The following AP1M1 variants were observed in gnomAD, a reference collection of about 807,000 sequenced individuals.
The protein encoded by AP1M1 is adaptor related protein complex 1 subunit mu 1.
AP1M1 carries 18 observed loss-of-function variants against 57.1 expected under a neutral mutation model. That is an observed-to-expected ratio of 0.32 (90% CI 0.22 to 0.47). AP1M1 has a LOEUF of 0.47. AP1M1 is among the 20% of genes least tolerant of loss of function. AP1M1 has a pLI of 1.00. For missense variants in AP1M1, 362 were observed against 593.5 expected, an observed-to-expected ratio of 0.61 and a Z score of 4.05; for synonymous variants, 241 against 237.9, an observed-to-expected ratio of 1.01 and a Z score of -0.12.
intron 5 of AP1M1, 109 bp downstream of exon 5, chr19:16,209,286 C>A: frequency 7.9e-7 from 1 of 1,265,342 alleles, no homozygotes; most frequent in Non-Finnish European, 1.1e-6. Context: ...TGTGTGGTAA[C>A]AGATAGCAGG....
At chr19:16,215,220 G>A (rs970159190) in intron 5 of AP1M1, among the ~76,000 whole-genome samples, 1 of 47,044 alleles carries the variant, frequency 2.1e-5, no homozygotes, top group African/African-American at 5.5e-5. Context: ...GGAGAGGGGG[G>A]AGGGGGGAGG....
At chr19:16,226,787 C>T (rs769663489) in intron 6 of AP1M1, 53 of 472,794 alleles carry the variant, frequency 1.1e-4, no homozygotes, top group Non-Finnish European at 1.7e-4. Flanking sequence ...CGGCCTCACA[C>T]GCCAGGTCCT....
chr19:16,215,202 G>GGGT (rs2091513070), intron 5 of AP1M1, among the ~76,000 whole-genome samples: 2 of 15,036 alleles, frequency 1.3e-4, no homozygotes, highest in African/African-American at 2.1e-4. Flanking sequence ...GGCGGGGGCG[G>GGGT]GGGGGGGGGA....
At chr19:16,226,573 C>A in intron 6 of AP1M1, 26 bp downstream of exon 6, 1 of 1,562,514 alleles carries the variant, frequency 6.4e-7, no homozygotes, top group South Asian at 1.1e-5. Flanking sequence ...AAGGGCCCTG[C>A]CCATGAGGAT....
chr19:16,219,968 T>C (rs2091536293), intron 5 of AP1M1, among the ~76,000 whole-genome samples: 1 of 118,504 alleles, frequency 8.4e-6, no homozygotes, highest in African/African-American at 3.2e-5. Flanking sequence ...TGGTATTTTG[T>C]TGGAGATTTT....
rs1024279051 is a variant in AP1M1, at chr19:16,203,449, C to T, written c.43-10C>T. On this transcript the variant is annotated splice_polypyrimidine_tract_variant and intron_variant, in intron 1 of 11. Transcript: ENST00000291439. This position sits in a 1 kb window ranked among gnomAD's most constrained non-coding sequence, Gnocchi z 4.6. ...ATGCAAGCATCTTTTCTCTTCCTTC[C>T]CCACCCCAGGTGCTCATCTGCCGGA... is the stretch of plus-strand genomic sequence containing the variant. 1.9e-6 allele frequency: 3 copies of T among 1,614,042 alleles called. No homozygotes were observed. Among genetic ancestry groups the T allele is most frequent in the Non-Finnish European group, 2.5e-6 (3 of 1,180,010 alleles).
At chr19:16,232,396 C>T in intron 9 of AP1M1, among the ~76,000 whole-genome samples, 1 of 152,266 alleles carries the variant, frequency 6.6e-6, no homozygotes, top group Non-Finnish European at 1.5e-5. Flanking sequence ...TCCATCGCCC[C>T]TGGCGTCTGC....
At position 16,207,048 on chromosome 19, in the gene AP1M1, G is replaced by A. The variant is rs1203543159; in HGVS notation, c.267+640G>A. Among the ~76,000 whole-genome samples the A allele has an allele frequency of 2.0e-5, 3 of 152,216 alleles. No homozygotes were observed. Among genetic ancestry groups the A allele is most frequent in the African/African-American group, 4.8e-5 (2 of 41,460 alleles). On this transcript the variant is annotated intron_variant, in intron 3 of 11. Transcript: ENST00000291439. This position sits in a 1 kb window ranked among gnomAD's most constrained non-coding sequence, Gnocchi z 4.2. ...TTAAGCAGGAGACTGACAAGACGTG[G>A]TTTGATCTAAAGCAGCCTCTCTGGC...
At position 16,208,860 on chromosome 19, in the gene AP1M1, A is replaced by G. The variant is rs1403377109; in HGVS notation, c.399-170A>G. 3 of 695,380 alleles carry G rather than the reference A, an allele frequency of 4.3e-6. No individual in the cohort carries two copies. In the African/African-American group the frequency reaches 5.4e-5, roughly 12 times the overall value. 43.1% of individuals were successfully genotyped at this position (695,380 alleles called of 1,614,324 possible). On this transcript the variant is annotated intron_variant, in intron 4 of 11. Transcript: ENST00000291439. The stretch of plus-strand genomic sequence containing the variant: ...AGATTTTTCTGTATGAAGCAGCCCC[A>G]GGTGAACCAGAGGCTGCCTTTTCTG...
intron 9 of AP1M1, among the ~76,000 whole-genome samples, chr19:16,231,267 A>G (rs1033599849): frequency 1.1e-4 from 16 of 146,058 alleles, no homozygotes; most frequent in South Asian, 2.2e-4. Flanking sequence ...CAGCCTGGGC[A>G]ACAGAGCAAG....
chr19:16,206,521 CTG>C lies in AP1M1; in HGVS notation c.267+114_267+115del. 1 of 1,155,712 alleles carries C rather than the reference CTG, an allele frequency of 8.7e-7. No individual in the cohort carries two copies. Among genetic ancestry groups the C allele is most frequent in the Non-Finnish European group, 1.3e-6 (1 of 789,534 alleles). 71.6% of individuals were successfully genotyped at this position (1,155,712 alleles called of 1,614,324 possible). On this transcript the variant is annotated intron_variant, in intron 3 of 11. Coordinates refer to ENST00000291439, the MANE Select transcript of AP1M1 (RefSeq NM_032493.4). The surrounding 1 kb of genome is among the most constrained non-coding windows in gnomAD (Gnocchi z 4.3). ...AGAGCTGTGGCATCCCCAGGGAGCACTGGGGCTGGAAGCCCAGGAAGTGGGAA... is the reference window on the plus strand; with the variant it reads ...AGAGCTGTGGCATCCCCAGGGAGCACGGGCTGGAAGCCCAGGAAGTGGGAA...
intron 9 of AP1M1, 27 bp from the exon 10 acceptor site, chr19:16,233,466 T>C: frequency 6.4e-7 from 1 of 1,573,426 alleles, no homozygotes; most frequent in Non-Finnish European, 8.6e-7. Context: ...GGCCTAGGCC[T>C]GAGCGCCTCC....
rs990643919 is a variant in AP1M1 at position 16,206,274 on chromosome 19, A to G, written c.200-67A>G. ...GTTGTGAGGGTTAGGGGGTCCCTCC[A>G]TGAACCAGGATCTTCCAGGCAGCAG... On this transcript the variant is annotated intron_variant, in intron 2 of 11. Coordinates refer to ENST00000291439, the MANE Select transcript of AP1M1 (RefSeq NM_032493.4). The surrounding 1 kb of genome is among the most constrained non-coding windows in gnomAD (Gnocchi z 4.3). 6 of 1,554,302 alleles carry G rather than the reference A, an allele frequency of 3.9e-6. No homozygotes were observed. In the South Asian group the frequency reaches 5.6e-5, roughly 14 times the overall value.
rs1177819048 is a variant in AP1M1, at chr19:16,234,187, C to T, written c.1174-12C>T. 2.5e-6 allele frequency: 4 copies of T among 1,611,182 alleles called. No homozygotes were observed. The highest frequency in any genetic ancestry group is 3.4e-5 in the Admixed American group (2 of 59,656). On this transcript the variant is annotated splice_polypyrimidine_tract_variant and intron_variant, in intron 10 of 11. Coordinates refer to ENST00000291439, the MANE Select transcript of AP1M1 (RefSeq NM_032493.4). The stretch of plus-strand genomic sequence containing the variant: ...GCCTGCGGTGCTCAGGGCCCTGCTA[C>T]CTGTGCCCCAGGTGCGCTACCTGAA...
Position 16,206,227 on chromosome 19 carries a change from G to T in AP1M1, c.200-114G>T. 1 of 1,053,158 alleles carries T rather than the reference G, an allele frequency of 9.5e-7. No homozygotes were observed. The allele number at this position is 1,053,158 out of a possible 1,614,324, so 65.2% of individuals were successfully genotyped here. A position where few individuals can be genotyped will look rare whatever the true frequency, so the allele number is the denominator to read the frequency against. On this transcript the variant is annotated intron_variant, in intron 2 of 11. Transcript: ENST00000291439. This position sits in a 1 kb window ranked among gnomAD's most constrained non-coding sequence, Gnocchi z 4.3. ...ATGGGCCAAGTAAACGGCTGGGAGT[G>T]GGGATAGGGAAGGCTCTGAGGGTTG...
intron 5 of AP1M1, among the ~76,000 whole-genome samples, chr19:16,209,522 A>C (rs1044942683): frequency 1.3e-5 from 2 of 152,150 alleles, no homozygotes; most frequent in African/African-American, 4.8e-5. Flanking sequence ...ATTAGCATTT[A>C]TGCTGACTGA....
chr19:16,230,284 T>C (rs989130380), intron 9 of AP1M1, among the ~76,000 whole-genome samples: 1 of 152,272 alleles, frequency 6.6e-6, no homozygotes, highest in Non-Finnish European at 1.5e-5. Context: ...GATGTCATTA[T>C]TCCAACAGCA....
At position 16,238,338 on chromosome 19, in the gene AP1M1, T is replaced by C. The variant is rs924636310; in HGVS notation, c.*3903T>C. 2 of 152,132 alleles carry C rather than the reference T, an allele frequency of 1.3e-5. No individual in the cohort carries two copies. The highest frequency in any genetic ancestry group is 4.8e-5 in the African/African-American group (2 of 41,440). The allele number at this position is 152,132 out of a possible 1,614,324, so 9.4% of individuals were successfully genotyped here. A position where few individuals can be genotyped will look rare whatever the true frequency, so the allele number is the denominator to read the frequency against. The stretch of plus-strand genomic sequence containing the variant: ...CAGCATAGTTCATGATAGCAGGAAA[T>C]TGGAAAGCAACCAAAAGTCCTTCAA... On this transcript the variant is annotated 3_prime_UTR_variant, in exon 12 of 12. Transcript: ENST00000291439.
chr19:16,210,524 G>T (rs932332547), intron 5 of AP1M1: 3 of 619,884 alleles, frequency 4.8e-6, no homozygotes, highest in Non-Finnish European at 8.9e-6. Flanking sequence ...ATCCTAATAG[G>T]TATGTAGTAG....
Sources: allele counts gnomAD v4.1 joint callset (sites outside exome capture counted in the v4.1 genomes callset), GRCh38; gene constraint gnomAD v4.1.1; non-coding constraint Gnocchi (gnomAD v3.1); transcripts MANE v1.5; gene names NCBI Gene and HGNC (gene_info 2026-07-23, HGNC 2026-07-21).